ZBTB1: variants seen among roughly 807,000 people sequenced by gnomAD.
The protein encoded by ZBTB1 is zinc finger and BTB domain-containing protein 1.
Under a neutral mutation model 51.6 loss-of-function variants are expected in ZBTB1, and 13 were observed. The ratio of observed to expected loss-of-function variants is 0.25; its 90% confidence interval spans 0.16 to 0.40. The LOEUF (loss-of-function observed/expected upper bound fraction) is 0.40, where lower values mean the gene tolerates loss of function less well. ZBTB1 is among the 10% of genes least tolerant of loss of function. ZBTB1 has a pLI of 1.00. For missense variants in ZBTB1, 567 were observed against 856.5 expected, an observed-to-expected ratio of 0.66 and a Z score of 4.22; for synonymous variants, 240 against 282.2, an observed-to-expected ratio of 0.85 and a Z score of 1.50.
chr14:64,522,227 A>G lies in ZBTB1; in HGVS notation c.723A>G (p.Arg241=). 1 of 1,614,254 alleles carries G rather than the reference A, an allele frequency of 6.2e-7. No homozygotes were observed. Among genetic ancestry groups the G allele is most frequent in the Non-Finnish European group, 8.5e-7 (1 of 1,180,040 alleles). Residue 241 remains arginine, a synonymous_variant, in exon 2 of 2, where the codon AGA becomes AGG. Coordinates refer to ENST00000683701, the MANE Select transcript of ZBTB1 (RefSeq NM_001123329.2). ...LDEHVLTCTN[R]HLYQNTRSYH... is the part of the protein sequence containing the mutation. ...AGCATGTGCTAACCTGTACTAACAG[A>G]CATTTATACCAAAACACAAGATCTT...
At chr14:64,506,197 G>A (rs2079651932) in intron 1 of ZBTB1, among the ~76,000 whole-genome samples, 1 of 152,180 alleles carries the variant, frequency 6.6e-6, no homozygotes, top group Non-Finnish European at 1.5e-5. Context: ...ATAATAACTG[G>A]ATGACTTTGG....
downstream of ZBTB1, among the ~76,000 whole-genome samples, chr14:64,526,073 C>T (rs1596704026): frequency 6.6e-6 from 1 of 152,200 alleles, no homozygotes; most frequent in East Asian, 1.9e-4. Context: ...CGGCTTCAGC[C>T]TCCCAAAGTG....
Position 64,523,394 on chromosome 14 carries a change from C to T in ZBTB1, c.1890C>T (p.Gly630=). ...QLRLHNDMHK[G]MARYVCSICD... Reference sequence around the variant, plus strand: ...GACTGCACAATGATATGCACAAAGGCATGGCCAGGTATGTCTGTTCCATTT... The same window carrying T: ...GACTGCACAATGATATGCACAAAGGTATGGCCAGGTATGTCTGTTCCATTT... Residue 630 remains glycine, a synonymous_variant, in exon 2 of 2, where the codon GGC becomes GGT. Coordinates refer to ENST00000683701, the MANE Select transcript of ZBTB1 (RefSeq NM_001123329.2). The surrounding 1 kb of genome is among the most constrained non-coding windows in gnomAD (Gnocchi z 4.5). 1 of 1,614,192 alleles carries T rather than the reference C, an allele frequency of 6.2e-7. No individual in the cohort carries two copies. Among genetic ancestry groups the T allele is most frequent in the African/African-American group, 1.3e-5 (1 of 75,060 alleles).
At chr14:64,531,218 T>C (rs2140193548) in intron 2 of ZBTB1, among the ~76,000 whole-genome samples, 1 of 152,302 alleles carries the variant, frequency 6.6e-6, no homozygotes. Flanking sequence ...GAACCATCTT[T>C]TTTTTCAAAT....
chr14:64,531,272 G>A (rs1464287237), intron 2 of ZBTB1, among the ~76,000 whole-genome samples: 3 of 152,018 alleles, frequency 2.0e-5, no homozygotes, highest in African/African-American at 7.2e-5. Flanking sequence ...ATCTTATTAT[G>A]AGGGAAAAGC....
chr14:64,518,165 CAT>C (rs1372468573), intron 1 of ZBTB1, among the ~76,000 whole-genome samples: 5 of 152,074 alleles, frequency 3.3e-5, no homozygotes, highest in Admixed American at 3.3e-4. Context: ...TTCACTGCCA[CAT>C]GACAGTGAAT....
At chr14:64,525,891 G>A (rs527939591), downstream of ZBTB1, among the ~76,000 whole-genome samples, 1 of 152,182 alleles carries the variant, frequency 6.6e-6, no homozygotes, top group Non-Finnish European at 1.5e-5. Flanking sequence ...TACAATCTTG[G>A]CTCACTGCAA....
downstream of ZBTB1, among the ~76,000 whole-genome samples, chr14:64,528,099 T>C (rs949746912): frequency 6.6e-6 from 1 of 152,152 alleles, no homozygotes; most frequent in Non-Finnish European, 1.5e-5. Context: ...CTCATTTCTC[T>C]AAGTCAGTAG....
At chr14:64,515,331 T>G (rs1226099596) in intron 1 of ZBTB1, among the ~76,000 whole-genome samples, 1 of 152,162 alleles carries the variant, frequency 6.6e-6, no homozygotes, top group African/African-American at 2.4e-5. Context: ...CAGATTTCAG[T>G]CGTAAAAACA....
chr14:64,509,579 G>T (rs2079701987), intron 1 of ZBTB1, among the ~76,000 whole-genome samples: 1 of 152,052 alleles, frequency 6.6e-6, no homozygotes, highest in South Asian at 2.1e-4. Flanking sequence ...TCATTTTGTT[G>T]AATTTCAATT....
At chr14:64,505,309 T>C (rs1315530396) in intron 1 of ZBTB1, 1 of 167,148 alleles carries the variant, frequency 6.0e-6, no homozygotes, top group Non-Finnish European at 1.3e-5. Flanking sequence ...AGAGCCCGCT[T>C]CTCTCAACTT....
At chr14:64,518,910 A>G (rs1429765600) in intron 1 of ZBTB1, among the ~76,000 whole-genome samples, 2 of 120,104 alleles carry the variant, frequency 1.7e-5, no homozygotes, top group Non-Finnish European at 3.6e-5. Flanking sequence ...AGAGGTATAT[A>G]TATATATATA....
At chr14:64,528,486 TTCTGGGATTGCAGGGTACCAAAAAGC>T (rs1213439913), downstream of ZBTB1, among the ~76,000 whole-genome samples, 1 of 151,994 alleles carries the variant, frequency 6.6e-6, no homozygotes, top group Non-Finnish European at 1.5e-5. Flanking sequence ...CATCAACAAC[TTCTGGGATTGCAGGGTACCAAAAAGC>T]TCTGGGGGAA....
At position 64,515,187 on chromosome 14, in the gene ZBTB1, T is replaced by C. The variant is rs150085837; in HGVS notation, c.-18-6300T>C. On this transcript the variant is annotated intron_variant, in intron 1 of 1. Coordinates refer to ENST00000683701, the MANE Select transcript of ZBTB1 (RefSeq NM_001123329.2). ...TAACTCTTGGCATTATATAGCTTGT[T>C]TTCCTTATCCAAATGACATTAAGTC... 2.6e-5 allele frequency among the ~76,000 whole-genome samples: 4 copies of C among 152,332 alleles called. No homozygotes were observed. In the East Asian group the frequency reaches 7.7e-4, roughly 29 times the overall value.
At chr14:64,529,807 C>T (rs1436915484), downstream of ZBTB1, among the ~76,000 whole-genome samples, 3 of 151,958 alleles carry the variant, frequency 2.0e-5, no homozygotes, top group Admixed American at 1.3e-4. Flanking sequence ...ATATCTTTGA[C>T]TAATAAACAG....
chr14:64,528,344 CTTTT>C (rs71123857), downstream of ZBTB1, among the ~76,000 whole-genome samples: 214 of 115,518 alleles, frequency 1.9e-3, no homozygotes, highest in African/African-American at 5.9e-3. Flanking sequence ...TTTTTCTTTT[CTTTT>C]TTTTTTTTTT....
intron 1 of ZBTB1, among the ~76,000 whole-genome samples, chr14:64,518,931 T>TAC (rs937199967): frequency 3.6e-5 from 5 of 140,308 alleles, no homozygotes; most frequent in Non-Finnish European, 6.2e-5. Context: ...TATATATATA[T>TAC]ATATAGTATG....
intron 2 of ZBTB1, chr14:64,531,829 T>C (rs2079943860): frequency 3.1e-6 from 5 of 1,613,164 alleles, no homozygotes; most frequent in Non-Finnish European, 4.2e-6. Flanking sequence ...TAATATTATT[T>C]TTCTTGAGTT....
intron 1 of ZBTB1, chr14:64,516,544 A>G (rs891661415): frequency 1.3e-5 from 2 of 152,260 alleles, no homozygotes; most frequent in Admixed American, 6.5e-5. Flanking sequence ...ACATGGATGC[A>G]GTGGGATTCA....
Sources: gnomAD v4.1 joint callset for allele counts (sites outside exome capture counted in the v4.1 genomes callset) on GRCh38, gnomAD v4.1.1 for gene constraint, Gnocchi (gnomAD v3.1) non-coding constraint, MANE v1.5 for transcripts, NCBI Gene and HGNC (gene_info 2026-07-23, HGNC 2026-07-21) for gene names.